The following ZFHX3 variants were observed in gnomAD, a reference collection of about 807,000 sequenced individuals.
ZFHX3 encodes zinc finger homeobox protein 3.
ZFHX3 carries 42 observed loss-of-function variants against 279.1 expected under a neutral mutation model. The observed-to-expected ratio is 0.15, with a 90% CI of 0.12 to 0.19. The LOEUF (loss-of-function observed/expected upper bound fraction) is 0.19. Among genes scored for constraint, ZFHX3 ranks in the 10% least tolerant of loss-of-function variants. The probability of loss-of-function intolerance (pLI) is 1.00; values close to 1 mark genes in which losing one functional copy is unlikely to be tolerated. For synonymous variants in ZFHX3, 2,293 were observed against 1,957.8 expected, an observed-to-expected ratio of 1.17 and a Z score of -4.52; for missense variants, 4,981 against 4,754.0, an observed-to-expected ratio of 1.05 and a Z score of -1.40.
chr16:73,214,787 ACTTT>A (rs1456406860), intron 5 of ZFHX3, among the ~76,000 whole-genome samples: 2 of 147,116 alleles, frequency 1.4e-5, no homozygotes, highest in East Asian at 4.0e-4. Context: ...TGCCAGCTTC[ACTTT>A]CTTCTAAAGC....
intron 4 of ZFHX3, among the ~76,000 whole-genome samples, chr16:72,837,662 C>T (rs2037231098): frequency 6.6e-6 from 1 of 151,856 alleles, no homozygotes; most frequent in Non-Finnish European, 1.5e-5. Context: ...GATGGGGTCT[C>T]ACTATGTTGC....
chr16:73,291,077 C>A (rs1396945650), intron 4 of ZFHX3, among the ~76,000 whole-genome samples: 1 of 152,150 alleles, frequency 6.6e-6, no homozygotes, highest in Non-Finnish European at 1.5e-5. Context: ...CACAACAAAC[C>A]CAATCCAACT....
At chr16:73,316,903 G>A (rs1335890108) in intron 4 of ZFHX3, among the ~76,000 whole-genome samples, 1 of 152,196 alleles carries the variant, frequency 6.6e-6, no homozygotes, top group Non-Finnish European at 1.5e-5. Flanking sequence ...ATGCTTGCCA[G>A]TGTTTCCTGG....
intron 1 of ZFHX3, among the ~76,000 whole-genome samples, chr16:73,691,601 A>T (rs567424676): frequency 1.8e-4 from 27 of 152,338 alleles, no homozygotes; most frequent in African/African-American, 5.8e-4. Context: ...AATCGATATC[A>T]TATAATCTTT....
chr16:73,608,685 C>A (rs572918741), intron 2 of ZFHX3: 1 of 152,096 alleles, frequency 6.6e-6, no homozygotes, highest in African/African-American at 2.4e-5. Flanking sequence ...ATGACTAAAT[C>A]CATGGCAATT....
At chr16:73,077,763 G>T (rs181202511) in intron 8 of ZFHX3, among the ~76,000 whole-genome samples, 1 of 152,146 alleles carries the variant, frequency 6.6e-6, no homozygotes, top group Non-Finnish European at 1.5e-5. Flanking sequence ...TAAATTTGCC[G>T]ATCGTGTCAA....
chr16:73,652,237 A>T (rs895407630), intron 2 of ZFHX3, among the ~76,000 whole-genome samples: 1 of 152,166 alleles, frequency 6.6e-6, no homozygotes, highest in African/African-American at 2.4e-5. Flanking sequence ...TGTGGGCAGG[A>T]GCTTATGTGC....
chr16:73,488,009 C>T (rs72799502), intron 2 of ZFHX3, among the ~76,000 whole-genome samples: 6,625 of 152,250 alleles, frequency 0.044, 241 homozygotes, highest in African/African-American at 0.098. Context: ...AACGCACCCA[C>T]CCAACTATGT....
intron 7 of ZFHX3, among the ~76,000 whole-genome samples, chr16:72,810,357 T>C (rs1413045429): frequency 6.6e-6 from 1 of 152,132 alleles, no homozygotes; most frequent in Admixed American, 6.5e-5. Context: ...GGCTAATTTT[T>C]GTATTTTTAG....
intron 3 of ZFHX3, among the ~76,000 whole-genome samples, chr16:73,374,064 C>T (rs1472184261): frequency 6.6e-6 from 1 of 152,168 alleles, no homozygotes; most frequent in Non-Finnish European, 1.5e-5. Flanking sequence ...GATCCTCCAG[C>T]CCTTCTGCAG....
chr16:73,542,218 G>A (rs868756147), intron 2 of ZFHX3, among the ~76,000 whole-genome samples: 4 of 152,058 alleles, frequency 2.6e-5, no homozygotes, highest in Non-Finnish European at 4.4e-5. Context: ...GGCCTTAATG[G>A]AGCCTGTGGG....
At chr16:73,431,512 G>C (rs2017911692) in intron 3 of ZFHX3, among the ~76,000 whole-genome samples, 1 of 152,120 alleles carries the variant, frequency 6.6e-6, no homozygotes, top group Admixed American at 6.5e-5. Flanking sequence ...CTGCATTCCA[G>C]CCTGGGTGAC....
At chr16:73,845,964 A>G (rs1961439594) in intron 1 of ZFHX3, among the ~76,000 whole-genome samples, 1 of 151,980 alleles carries the variant, frequency 6.6e-6, no homozygotes, top group Non-Finnish European at 1.5e-5. Flanking sequence ...GGCATGTGCC[A>G]CTCTGCCCAG....
In ZFHX3 at chr16:72,957,457, C is replaced by G. The variant is rs373464063; in HGVS notation, c.2689G>C (p.Gly897Arg). ...GCAGGCGTCATGGCGGCCATGGGCC[C>G]GGCGGGATCCAGCTGGAATCCGCTC... The part of the protein sequence containing the change: ...MMSGFQLDPA[G>R]PMAAMTPALV... The change falls in exon 2 of 10, where the codon GGG (glycine) becomes CGG (arginine). Residue 897 changes from glycine (G) to arginine (R), a missense_variant. Gly to Arg is a moderately radical substitution (Grantham distance 125). This residue lies in a region of ZFHX3 where 1,751 missense variants were observed against 1,770.0 expected (regional missense o/e 0.99). Coordinates refer to ENST00000268489, the MANE Select transcript of ZFHX3 (RefSeq NM_006885.4). The G allele has an allele frequency of 2.5e-6, 4 of 1,612,874 alleles. No individual in the cohort carries two copies.
At chr16:72,937,311 C>G (rs551426754) in intron 3 of ZFHX3, among the ~76,000 whole-genome samples, 1 of 152,258 alleles carries the variant, frequency 6.6e-6, no homozygotes, top group African/African-American at 2.4e-5. Context: ...CTGGGACAAG[C>G]CTGGGGGCAT....
intron 3 of ZFHX3, among the ~76,000 whole-genome samples, chr16:73,341,043 C>T (rs2016022480): frequency 6.6e-6 from 1 of 152,104 alleles, no homozygotes; most frequent in Non-Finnish European, 1.5e-5. Flanking sequence ...TATACAAAGT[C>T]TTCTTAAAAA....
chr16:73,597,192 A>T (rs2052059635), intron 2 of ZFHX3, among the ~76,000 whole-genome samples: 1 of 152,126 alleles, frequency 6.6e-6, no homozygotes, highest in Non-Finnish European at 1.5e-5. Flanking sequence ...GTCCTACTTA[A>T]CTTCTCATTC....
At chr16:73,853,294 C>G (rs1213900702) in intron 1 of ZFHX3, among the ~76,000 whole-genome samples, 5 of 152,168 alleles carry the variant, frequency 3.3e-5, no homozygotes, top group Non-Finnish European at 4.4e-5. Flanking sequence ...AAAAATAGAG[C>G]TACCATTTGA....
chr16:73,583,483 AT>A (rs2051883253), intron 2 of ZFHX3, among the ~76,000 whole-genome samples: 2 of 152,184 alleles, frequency 1.3e-5, no homozygotes, highest in African/African-American at 4.8e-5. Context: ...AGAAAATAAG[AT>A]TGTGTGTCCT....
Sources: gnomAD v4.1 joint callset for allele counts (sites outside exome capture counted in the v4.1 genomes callset) on GRCh38, gnomAD v4.1.1 for gene constraint, gnomAD v4.1.1 regional missense constraint, MANE v1.5 for transcripts, NCBI Gene and HGNC (gene_info 2026-07-23, HGNC 2026-07-21) for gene names.